DOCK3: variants seen among roughly 807,000 people sequenced by gnomAD.
The protein encoded by DOCK3 is dedicator of cytokinesis 3.
DOCK3 carries 60 observed loss-of-function variants against 265.6 expected under a neutral mutation model. The observed-to-expected ratio is 0.23, with a 90% CI of 0.18 to 0.28. DOCK3 has a LOEUF of 0.28. Ranked by LOEUF, DOCK3 falls within the 10% of genes least tolerant of loss-of-function variation. The probability of loss-of-function intolerance (pLI) is 1.00; values close to 1 mark genes in which losing one functional copy is unlikely to be tolerated. For synonymous variants in DOCK3, 881 were observed against 938.0 expected (o/e 0.94, Z 1.11); for missense variants, 1,981 against 2,594.3 (o/e 0.76, Z 5.14).
At chr3:51,214,587 A>T (rs2089679140) in intron 14 of DOCK3, among the ~76,000 whole-genome samples, 1 of 152,250 alleles carries the variant, frequency 6.6e-6, no homozygotes, top group Non-Finnish European at 1.5e-5. Context: ...CACATTTCTT[A>T]GAATATAATT....
intron 6 of DOCK3, among the ~76,000 whole-genome samples, chr3:51,069,536 A>G (rs1013126906): frequency 4.7e-5 from 7 of 149,062 alleles, no homozygotes; most frequent in Non-Finnish European, 9.0e-5. Flanking sequence ...ATGTGTGTGT[A>G]TATATGTGTG....
intron 7 of DOCK3, among the ~76,000 whole-genome samples, chr3:51,088,823 A>C (rs1274126996): frequency 1.3e-5 from 2 of 152,218 alleles, no homozygotes; most frequent in Non-Finnish European, 2.9e-5. Context: ...GTAAAGGAAC[A>C]GCATGGGGAA....
At chr3:50,769,315 A>G (rs904395390) in intron 1 of DOCK3, among the ~76,000 whole-genome samples, 3 of 152,172 alleles carry the variant, frequency 2.0e-5, no homozygotes, top group Admixed American at 2.0e-4. Flanking sequence ...GTAGCATTCA[A>G]TAATATTCAA....
At chr3:51,336,340 G>GTT (rs60903466) in intron 35 of DOCK3, among the ~76,000 whole-genome samples, 4,916 of 144,862 alleles carry the variant, frequency 0.034, 283 homozygotes, top group African/African-American at 0.11. Flanking sequence ...GGGTTTTTTT[G>GTT]TTTTTTTTTT....
intron 22 of DOCK3, among the ~76,000 whole-genome samples, chr3:51,256,784 G>A (rs1350050708): frequency 2.0e-5 from 3 of 151,836 alleles, no homozygotes; most frequent in Non-Finnish European, 2.9e-5. Context: ...TAGTAGAGAC[G>A]GGGTTTCACC....
chr3:51,166,143 C>T (rs1321544500), intron 12 of DOCK3, among the ~76,000 whole-genome samples: 12 of 151,336 alleles, frequency 7.9e-5, no homozygotes, highest in Admixed American at 6.6e-4. Context: ...CTCCACTTCC[C>T]GGGTTCAAGC....
At chr3:51,249,764 C>T (rs1405259445) in intron 22 of DOCK3, among the ~76,000 whole-genome samples, 2 of 118,814 alleles carry the variant, frequency 1.7e-5, no homozygotes, top group Non-Finnish European at 3.6e-5. Flanking sequence ...ACCACCCCGT[C>T]TGGGAGGTGT....
intron 27 of DOCK3, among the ~76,000 whole-genome samples, chr3:51,285,607 T>C (rs2081360882): frequency 6.6e-6 from 1 of 151,110 alleles, no homozygotes; most frequent in East Asian, 2.0e-4. Context: ...CTGAAAATTA[T>C]ATAATCTGAG....
At chr3:51,200,374 C>T (rs1421845015) in intron 12 of DOCK3, among the ~76,000 whole-genome samples, 3 of 147,454 alleles carry the variant, frequency 2.0e-5, no homozygotes, top group Admixed American at 1.4e-4. Flanking sequence ...TCGAGAACAA[C>T]GTGAAGAATG....
chr3:51,326,596 T>C lies in DOCK3; in HGVS notation c.3403-3542T>C, dbSNP rs562482260. On this transcript the variant is annotated intron_variant, in intron 32 of 52. Transcript: ENST00000266037. ...CGCCTGGCATGTTTTGTTGTTGTTG[T>C]TGTTGTTGTTGTTGTTGTTGTTGTT... Among the ~76,000 whole-genome samples, 142 of 136,914 alleles carry C rather than the reference T, an allele frequency of 1.0e-3. No individual in the cohort carries two copies. In the East Asian group the frequency reaches 0.015, roughly 14 times the overall value. The allele number at this position is 136,914 out of a possible 152,430, so 89.8% of individuals were successfully genotyped here.
At chr3:50,904,792 G>A (rs1347937881) in intron 4 of DOCK3, among the ~76,000 whole-genome samples, 5 of 152,038 alleles carry the variant, frequency 3.3e-5, no homozygotes, top group East Asian at 3.9e-4. Flanking sequence ...GATCCCATTT[G>A]TCTATTTTTG....
At chr3:51,214,313 G>C (rs2089665754) in intron 14 of DOCK3, 66 bp downstream of exon 14, 2 of 1,588,622 alleles carry the variant, frequency 1.3e-6, no homozygotes, top group African/African-American at 2.7e-5. Flanking sequence ...CTCCCCTCCT[G>C]AGCAGGTGGT....
intron 3 of DOCK3, among the ~76,000 whole-genome samples, chr3:50,886,029 G>A (rs959341157): frequency 6.6e-6 from 1 of 151,826 alleles, no homozygotes; most frequent in Non-Finnish European, 1.5e-5. Flanking sequence ...GTTCCTGTTG[G>A]TATTTCCAGG....
chr3:51,212,431 G>GTTTTTTTTTT (rs1198836971), intron 13 of DOCK3, among the ~76,000 whole-genome samples: 2 of 112,272 alleles, frequency 1.8e-5, no homozygotes, highest in African/African-American at 6.4e-5. Flanking sequence ...TACACCCACT[G>GTTTTTTTTTT]TTTTTTTTTT....
At chr3:50,970,632 G>A (rs990001740) in intron 5 of DOCK3, among the ~76,000 whole-genome samples, 2 of 149,634 alleles carry the variant, frequency 1.3e-5, no homozygotes, top group Admixed American at 6.6e-5. Context: ...TCTAAAAAGT[G>A]TGTATCTCTT....
At chr3:51,235,435 A>G (rs1560257806) in intron 19 of DOCK3, among the ~76,000 whole-genome samples, 1 of 152,236 alleles carries the variant, frequency 6.6e-6, no homozygotes, top group Non-Finnish European at 1.5e-5. Flanking sequence ...GCTAGAAGAC[A>G]ATGTAAAGAG....
chr3:51,254,777 G>C (rs2079454536), intron 22 of DOCK3, among the ~76,000 whole-genome samples: 1 of 152,124 alleles, frequency 6.6e-6, no homozygotes, highest in African/African-American at 2.4e-5. Context: ...ATGTGAGATG[G>C]TTCTCCTTAA....
At chr3:51,379,569 A>G (rs1380678063) in intron 51 of DOCK3, 1 of 985,334 alleles carries the variant, frequency 1.0e-6, no homozygotes, top group Non-Finnish European at 1.2e-6. Flanking sequence ...AGCCTGCTGC[A>G]TGGTAAGAAG....
intron 5 of DOCK3, among the ~76,000 whole-genome samples, chr3:51,010,040 C>T (rs1020030516): frequency 6.6e-6 from 1 of 152,082 alleles, no homozygotes; most frequent in Non-Finnish European, 1.5e-5. Context: ...ACTTCCAACT[C>T]TGTGGTCAAT....
Sources: gnomAD v4.1 joint callset for allele counts (sites outside exome capture counted in the v4.1 genomes callset) on GRCh38, gnomAD v4.1.1 for gene constraint, MANE v1.5 for transcripts, NCBI Gene and HGNC (gene_info 2026-07-23, HGNC 2026-07-21) for gene names.